MAGI3: variants seen among roughly 807,000 people sequenced by gnomAD.
MAGI3 encodes the protein membrane-associated guanylate kinase, WW and PDZ domain-containing protein 3.
In MAGI3, 43 loss-of-function variants were observed where a neutral mutation model predicts 121.8. The observed-to-expected ratio is 0.35, with a 90% CI of 0.28 to 0.46. The LOEUF (loss-of-function observed/expected upper bound fraction) is 0.46, where lower values mean the gene tolerates loss of function less well. Among genes scored for constraint, MAGI3 ranks in the 20% least tolerant of loss-of-function variants. The pLI, the probability that MAGI3 is intolerant of heterozygous loss-of-function variation, is 1.00. For missense variants in MAGI3, 1,547 were observed against 1,797.3 expected, an observed-to-expected ratio of 0.86 and a Z score of 2.52; for synonymous variants, 553 against 639.3, an observed-to-expected ratio of 0.86 and a Z score of 2.04.
At chr1:113,440,338 C>T (rs2101454896) in intron 1 of MAGI3, among the ~76,000 whole-genome samples, 1 of 152,240 alleles carries the variant, frequency 6.6e-6, no homozygotes, top group Non-Finnish European at 1.5e-5. Flanking sequence ...AATGGCTTCA[C>T]ATAATAAAAA....
chr1:113,646,096 G>A (rs894136845), intron 11 of MAGI3, among the ~76,000 whole-genome samples: 3 of 152,100 alleles, frequency 2.0e-5, no homozygotes, highest in South Asian at 2.1e-4. Context: ...GAGGTGGGCC[G>A]TGCTAAGAAT....
intron 1 of MAGI3, among the ~76,000 whole-genome samples, chr1:113,415,875 GTA>G (rs1365101806): frequency 6.6e-6 from 1 of 151,844 alleles, no homozygotes; most frequent in Non-Finnish European, 1.5e-5. Flanking sequence ...AAGTCGTACT[GTA>G]TATATAGTAT....
intron 1 of MAGI3, among the ~76,000 whole-genome samples, chr1:113,395,310 G>A (rs1190185278): frequency 1.3e-5 from 2 of 151,484 alleles, no homozygotes; most frequent in Non-Finnish European, 3.0e-5. Flanking sequence ...AGCAAGCCAA[G>A]CCCCTTTGCT....
chr1:113,478,612 C>G (rs371233617), intron 1 of MAGI3, among the ~76,000 whole-genome samples: 8 of 152,310 alleles, frequency 5.3e-5, no homozygotes, highest in African/African-American at 9.6e-5. Context: ...GATCCTTCCT[C>G]TGGAAGCTTC....
intron 1 of MAGI3, among the ~76,000 whole-genome samples, chr1:113,541,810 C>G (rs1659299564): frequency 6.6e-6 from 1 of 152,154 alleles, no homozygotes; most frequent in African/African-American, 2.4e-5. Flanking sequence ...CAAGGTTCTG[C>G]GTAACCTACT....
At chr1:113,555,764 A>G (rs375318326) in intron 2 of MAGI3, among the ~76,000 whole-genome samples, 11 of 152,210 alleles carry the variant, frequency 7.2e-5, no homozygotes, top group African/African-American at 2.2e-4. Context: ...TGAGGCAGGC[A>G]AAGTGGCACA....
At chr1:113,465,544 T>C (rs1655238685) in intron 1 of MAGI3, among the ~76,000 whole-genome samples, 1 of 152,160 alleles carries the variant, frequency 6.6e-6, no homozygotes, top group South Asian at 2.1e-4. Context: ...TGAAGAGTGT[T>C]ACTGGTATTT....
intron 1 of MAGI3, among the ~76,000 whole-genome samples, chr1:113,515,999 C>G (rs1657880103): frequency 6.6e-6 from 1 of 152,004 alleles, no homozygotes; most frequent in Non-Finnish European, 1.5e-5. Flanking sequence ...AGCAGCATCT[C>G]TGGCTACACT....
intron 1 of MAGI3, among the ~76,000 whole-genome samples, chr1:113,528,294 C>CT (rs60603067): frequency 0.011 from 1,465 of 138,134 alleles, 11 homozygotes; most frequent in African/African-American, 0.019. Flanking sequence ...CTCCCCCAAC[C>CT]TTTTTTTTTT....
chr1:113,435,444 G>C (rs145132617), intron 1 of MAGI3, among the ~76,000 whole-genome samples: 4 of 152,056 alleles, frequency 2.6e-5, no homozygotes, highest in African/African-American at 9.7e-5. Context: ...GGAAGTGTCA[G>C]TTTCACAATT....
At chr1:113,514,736 C>G (rs1395777234) in intron 1 of MAGI3, among the ~76,000 whole-genome samples, 2 of 152,086 alleles carry the variant, frequency 1.3e-5, no homozygotes, top group Non-Finnish European at 2.9e-5. Context: ...AGTAACTAAC[C>G]TGCACATTGT....
rs751753505 is a variant in MAGI3, at chr1:113,672,620, C to T, written c.2924C>T (p.Ala975Val). The change falls in exon 18 of 21, where the codon GCC (alanine) becomes GTC (valine). Residue 975 changes from alanine (A) to valine (V), a missense_variant. Physicochemically the swap from Ala to Val is moderately conservative, Grantham distance 64. Transcript: ENST00000307546. Reference sequence around the variant, plus strand: ...TTGATTTCTCTCTCTTGTAGAAGTGCCCTAGAAGGTGAAATTGGAAAAGAT... The same window carrying T: ...TTGATTTCTCTCTCTTGTAGAAGTGTCCTAGAAGGTGAAATTGGAAAAGAT... ...QANHIPGDRS[A>V]LEGEIGKDVS... 5 of 1,613,022 alleles carry T rather than the reference C, an allele frequency of 3.1e-6. No individual in the cohort carries two copies. The highest frequency in any genetic ancestry group is 2.7e-5 in the African/African-American group (2 of 74,860).
chr1:113,525,871 G>T (rs965643016), intron 1 of MAGI3, among the ~76,000 whole-genome samples: 5 of 151,908 alleles, frequency 3.3e-5, no homozygotes, highest in Non-Finnish European at 5.9e-5. Context: ...ATGTGGTGGC[G>T]CATGCCTGTA....
chr1:113,590,593 T>G lies in MAGI3; in HGVS notation c.873T>G (p.Thr291=). ...GAAATTATATGATGAGAGATGAGAC[T>G]CTGGAACCACTGCCCAAAAACTGGG... The part of the protein sequence containing the change: ...DFRNYMMRDE[T]LEPLPKNWEM... The change falls in exon 5 of 21, where the codon ACT becomes ACG. Residue 291 remains threonine (T), a synonymous_variant. Transcript: ENST00000307546. The G allele has an allele frequency of 3.7e-6, 5 of 1,336,224 alleles. No individual in the cohort carries two copies. Among genetic ancestry groups the G allele is most frequent in the Non-Finnish European group, 5.4e-6 (5 of 926,960 alleles). 82.8% of individuals were successfully genotyped at this position (1,336,224 alleles called of 1,614,324 possible).
intron 2 of MAGI3, among the ~76,000 whole-genome samples, chr1:113,551,117 T>G (rs1557818345): frequency 6.6e-6 from 1 of 152,184 alleles, no homozygotes; most frequent in Non-Finnish European, 1.5e-5. Context: ...CTCTAGCATC[T>G]TACTGGCTAC....
At chr1:113,530,488 C>A (rs917287426) in intron 1 of MAGI3, among the ~76,000 whole-genome samples, 2 of 151,944 alleles carry the variant, frequency 1.3e-5, no homozygotes, top group African/African-American at 4.8e-5. Flanking sequence ...AAAAAAATAC[C>A]TGTTGGGCAC....
rs545328530 is a variant in MAGI3, at chr1:113,595,224, G to T, written c.1018+664G>T. ...GAGCTGAAATGGGAGGATTGCTTGA[G>T]CTCAAGAGTTTGAGATCACAGTGAG... On this transcript the variant is annotated intron_variant, in intron 6 of 20. Transcript: ENST00000307546. Among the ~76,000 whole-genome samples the T allele has an allele frequency of 1.4e-4, 22 of 152,222 alleles. 1 individual carries two copies. In the South Asian group the frequency reaches 4.4e-3, roughly 30 times the overall value.
At chr1:113,417,714 C>G (rs1035684608) in intron 1 of MAGI3, among the ~76,000 whole-genome samples, 5 of 152,230 alleles carry the variant, frequency 3.3e-5, no homozygotes, top group Non-Finnish European at 7.4e-5. Context: ...TCATTCATAG[C>G]ATTTATCACA....
chr1:113,623,706 C>T (rs1651028759), intron 9 of MAGI3, among the ~76,000 whole-genome samples: 1 of 152,078 alleles, frequency 6.6e-6, no homozygotes, highest in Non-Finnish European at 1.5e-5. Flanking sequence ...CCAGGATGGT[C>T]TGGATCTCCT....
Sources: allele counts gnomAD v4.1 joint callset (sites outside exome capture counted in the v4.1 genomes callset), GRCh38; gene constraint gnomAD v4.1.1; transcripts MANE v1.5; gene names NCBI Gene and HGNC (gene_info 2026-07-23, HGNC 2026-07-21).